Variants in KDM6A observed in about 807,000 individuals in gnomAD.
The protein encoded by KDM6A is lysine-specific demethylase 6A.
A neutral mutation model predicts 117.6 loss-of-function variants in KDM6A; 11 were observed. That is an observed-to-expected ratio of 0.09 (90% CI 0.06 to 0.15). The LOEUF (loss-of-function observed/expected upper bound fraction) is 0.15. KDM6A is among the 10% of genes least tolerant of loss of function. KDM6A has a pLI of 1.00. For missense variants in KDM6A, 799 were observed against 1,077.3 expected (o/e 0.74, Z 3.62); for synonymous variants, 384 against 396.1 (o/e 0.97, Z 0.36).
chrX:45,064,013 C>T (rs890275821), intron 17 of KDM6A, among the ~76,000 whole-genome samples, 196 bp downstream of exon 17: 3 of 111,384 alleles, frequency 2.7e-5, no homozygotes, highest in Non-Finnish European at 3.8e-5. Context: ...CAGTCTCTAC[C>T]GACATAGATA....
chrX:44,902,956 A>G (rs2034446344), intron 2 of KDM6A, among the ~76,000 whole-genome samples: 1 of 111,530 alleles, frequency 9.0e-6, no homozygotes, highest in Non-Finnish European at 1.9e-5. Context: ...AATCCCATTC[A>G]TGAGGGCTTT....
chrX:45,004,761 G>A (rs1414486229), intron 4 of KDM6A, among the ~76,000 whole-genome samples: 1 of 111,293 alleles, frequency 9.0e-6, no homozygotes, highest in African/African-American at 3.3e-5. Flanking sequence ...CTCAGGCGGG[G>A]AATTTCTGGT....
At chrX:45,025,735 A>G (rs1404693676) in intron 6 of KDM6A, among the ~76,000 whole-genome samples, 1 of 112,223 alleles carries the variant, frequency 8.9e-6, no homozygotes, top group African/African-American at 3.2e-5. Flanking sequence ...AATTTTCCCT[A>G]ATGTTTACAT....
At chrX:44,972,047 G>T (rs1192260818) in intron 3 of KDM6A, among the ~76,000 whole-genome samples, 2 of 110,507 alleles carry the variant, frequency 1.8e-5, no homozygotes, top group South Asian at 3.9e-4. Flanking sequence ...AGCTTTTTTG[G>T]GGCGGTTTGT....
intron 17 of KDM6A, among the ~76,000 whole-genome samples, chrX:45,067,777 C>T (rs979990349): frequency 2.8e-5 from 3 of 108,177 alleles, no homozygotes; most frequent in South Asian, 8.2e-4. Context: ...CTCAGCCTCC[C>T]GAGTAGCTGG....
chrX:45,070,109 A>C lies in KDM6A; in HGVS notation c.2610A>C (p.Ser870=), dbSNP rs2148051310. The change falls in exon 18 of 30, where the codon TCA becomes TCC. Residue 870 remains serine (S), a synonymous_variant. Coordinates refer to ENST00000611820, the MANE Select transcript of KDM6A (RefSeq NM_001291415.2). ...HTKTDNSVAS[S]PSSAISTATP... Reference sequence around the variant, plus strand: ...AGACTGATAACTCTGTTGCCTCTTCACCATCTTCAGCCATTTCAACAGCAA... The same window carrying C: ...AGACTGATAACTCTGTTGCCTCTTCCCCATCTTCAGCCATTTCAACAGCAA... 1 of 1,211,647 alleles carries C rather than the reference A, an allele frequency of 8.3e-7. No individual in the cohort carries two copies. The highest frequency in any genetic ancestry group is 1.1e-6 in the Non-Finnish European group (1 of 895,374).
intron 6 of KDM6A, among the ~76,000 whole-genome samples, chrX:45,032,782 A>G (rs1024120004): frequency 2.7e-5 from 3 of 111,254 alleles, no homozygotes; most frequent in Admixed American, 9.6e-5. Context: ...TAATTTTCCT[A>G]TGTCTTCACT....
At position 45,053,967 on chromosome X, in the gene KDM6A, CA is replaced by C; in HGVS notation, c.875+13del. On this transcript the variant is annotated intron_variant, in intron 10 of 29. Coordinates refer to ENST00000611820, the MANE Select transcript of KDM6A (RefSeq NM_001291415.2). Reference sequence around the variant, plus strand: ...TATTTCCTCGGAAGGTGAGACTTACCAGACATTTATGTTTGATTTTGTCTAT... The same window carrying C: ...TATTTCCTCGGAAGGTGAGACTTACCGACATTTATGTTTGATTTTGTCTAT... 8.3e-7 allele frequency: 1 copy of C among 1,203,759 alleles called. No homozygotes were observed. The highest frequency in any genetic ancestry group is 1.1e-6 in the Non-Finnish European group (1 of 888,637).
At chrX:45,002,873 CT>C (rs1411967313) in intron 4 of KDM6A, among the ~76,000 whole-genome samples, 2 of 74,396 alleles carry the variant, frequency 2.7e-5, no homozygotes, top group African/African-American at 5.4e-5. Flanking sequence ...CCCCCCCCCC[CT>C]TTTCATTCTT....
intron 2 of KDM6A, among the ~76,000 whole-genome samples, chrX:44,905,904 A>AAT (rs1252483556): frequency 8.9e-6 from 1 of 112,469 alleles, no homozygotes; most frequent in Non-Finnish European, 1.9e-5. Flanking sequence ...ATTAAAGGCA[A>AAT]ATATATATAT....
At chrX:44,928,374 G>A (rs2036426865) in intron 2 of KDM6A, among the ~76,000 whole-genome samples, 1 of 111,781 alleles carries the variant, frequency 8.9e-6, no homozygotes, top group Admixed American at 9.5e-5. Context: ...ACAGTTCCTT[G>A]TACTATCTTT....
At chrX:45,045,205 A>G (rs948106160) in intron 8 of KDM6A, among the ~76,000 whole-genome samples, 5 of 111,271 alleles carry the variant, frequency 4.5e-5, no homozygotes, top group Non-Finnish European at 9.4e-5. Flanking sequence ...TCCATTAGGT[A>G]ATAATTCCCC....
chrX:45,031,468 A>G (rs1046561391), intron 6 of KDM6A, among the ~76,000 whole-genome samples: 3 of 112,020 alleles, frequency 2.7e-5, no homozygotes, highest in Admixed American at 1.9e-4. Flanking sequence ...GGGCAAGCAC[A>G]TAATTTAAAA....
At chrX:44,891,918 C>T (rs1370171168) in intron 2 of KDM6A, among the ~76,000 whole-genome samples, 1 of 112,380 alleles carries the variant, frequency 8.9e-6, no homozygotes, top group African/African-American at 3.2e-5. Context: ...AGGCTATGTC[C>T]TAATGCTTGC....
chrX:45,036,846 C>T (rs2042835294), intron 7 of KDM6A, among the ~76,000 whole-genome samples: 1 of 112,645 alleles, frequency 8.9e-6, no homozygotes, highest in South Asian at 3.6e-4. Flanking sequence ...TTATTCTACT[C>T]TGTTTAAATC....
At chrX:45,051,571 C>G (rs1451011506) in intron 8 of KDM6A, 138 bp from the exon 9 acceptor site, 1 of 432,340 alleles carries the variant, frequency 2.3e-6, no homozygotes, top group Non-Finnish European at 4.1e-6. Context: ...AAGAAACATT[C>G]AATAATGGAA....
chrX:44,951,995 T>C (rs1475874182), intron 2 of KDM6A, among the ~76,000 whole-genome samples: 1 of 112,340 alleles, frequency 8.9e-6, no homozygotes, highest in Non-Finnish European at 1.9e-5. Context: ...GCTTGGTACA[T>C]ATCAAGAGCT....
intron 2 of KDM6A, among the ~76,000 whole-genome samples, chrX:44,945,461 T>C (rs1405318408): frequency 9.0e-6 from 1 of 111,041 alleles, no homozygotes; most frequent in Non-Finnish European, 1.9e-5. Context: ...GAAGTTTTAA[T>C]CTCGTAATGC....
At chrX:45,028,721 G>C (rs181715196) in intron 6 of KDM6A, among the ~76,000 whole-genome samples, 133 of 111,939 alleles carry the variant, frequency 1.2e-3, no homozygotes, top group Middle Eastern at 9.3e-3. Context: ...AATAGTTTCT[G>C]ATACGAGGCA....
Sources: allele counts gnomAD v4.1 joint callset (sites outside exome capture counted in the v4.1 genomes callset), GRCh38; gene constraint gnomAD v4.1.1; transcripts MANE v1.5; gene names NCBI Gene and HGNC (gene_info 2026-07-23, HGNC 2026-07-21).